The following MECOM variants were observed in gnomAD, a reference collection of about 807,000 sequenced individuals.
MECOM encodes the protein histone-lysine N-methyltransferase MECOM.
A neutral mutation model predicts 116.3 loss-of-function variants in MECOM; 13 were observed. The observed-to-expected ratio is 0.11, with a 90% CI of 0.07 to 0.18. MECOM has a LOEUF of 0.18. Among genes scored for constraint, MECOM ranks in the 10% least tolerant of loss-of-function variants. The pLI, the probability that MECOM is intolerant of heterozygous loss-of-function variation, is 1.00. For missense variants in MECOM, 1,299 were observed against 1,509.0 expected (o/e 0.86, Z 2.31); for synonymous variants, 528 against 535.2 (o/e 0.99, Z 0.19).
chr3:169,320,630 C>T (rs1234365615), intron 2 of MECOM, among the ~76,000 whole-genome samples: 1 of 152,120 alleles, frequency 6.6e-6, no homozygotes, highest in African/African-American at 2.4e-5. Flanking sequence ...AGTGGAAGAA[C>T]CCATAATATT....
chr3:169,376,397 T>C (rs969418174), intron 2 of MECOM, among the ~76,000 whole-genome samples: 2 of 152,164 alleles, frequency 1.3e-5, no homozygotes, highest in African/African-American at 4.8e-5. Flanking sequence ...TGGTCTCTGT[T>C]TGCAGATAAC....
chr3:169,125,140 T>C (rs755555856), intron 5 of MECOM, among the ~76,000 whole-genome samples: 2 of 152,116 alleles, frequency 1.3e-5, no homozygotes, highest in Non-Finnish European at 2.9e-5. Context: ...TGGTGATACC[T>C]CTGTGAACAA....
In MECOM at chr3:169,294,480, C is replaced by T. The variant is rs540990789; in HGVS notation, c.375+86707G>A. ...TAAAAATGTTAGCCAAGACAAGACT[C>T]AAGAGGGGCAGAAGCAGTAGCCTGG... On this transcript the variant is annotated intron_variant, in intron 2 of 16. Coordinates refer to ENST00000651503, the MANE Select transcript of MECOM (RefSeq NM_004991.4). Among the ~76,000 whole-genome samples, 30 of 152,258 alleles carry T rather than the reference C, an allele frequency of 2.0e-4. No homozygotes were observed. The South Asian group carries it at 6.2e-3, about 32-fold the overall frequency.
chr3:169,163,430 A>G (rs1346085793), intron 2 of MECOM, among the ~76,000 whole-genome samples: 1 of 152,204 alleles, frequency 6.6e-6, no homozygotes, highest in Non-Finnish European at 1.5e-5. Flanking sequence ...TTGAAGTAAT[A>G]GAAGTAATAG....
At chr3:169,471,271 C>T (rs1318535115) in intron 1 of MECOM, among the ~76,000 whole-genome samples, 3 of 152,080 alleles carry the variant, frequency 2.0e-5, no homozygotes, top group South Asian at 4.1e-4. Flanking sequence ...GGGTTACAGG[C>T]ATGAGCCACC....
intron 1 of MECOM, among the ~76,000 whole-genome samples, chr3:169,638,866 CTT>C (rs1308516884): frequency 6.6e-6 from 1 of 152,198 alleles, no homozygotes; most frequent in Non-Finnish European, 1.5e-5. Flanking sequence ...TCTTCTCACA[CTT>C]TACACTTTTC....
intron 2 of MECOM, chr3:169,145,693 T>A (rs1209593100): frequency 4.5e-6 from 1 of 223,150 alleles, no homozygotes; most frequent in Non-Finnish European, 8.9e-6. Flanking sequence ...TCAAGAAGCA[T>A]CCATCCCCTT....
intron 1 of MECOM, among the ~76,000 whole-genome samples, chr3:169,502,832 T>C (rs543876309): frequency 1.3e-4 from 20 of 152,294 alleles, no homozygotes; most frequent in Non-Finnish European, 2.8e-4. Flanking sequence ...CCATCAGCAA[T>C]ATTTTCAGAT....
At chr3:169,533,591 T>TTTTTTTTTTTTTTTTTTTTTTTTTAC (rs55667588) in intron 1 of MECOM, among the ~76,000 whole-genome samples, 1 of 132,238 alleles carries the variant, frequency 7.6e-6, no homozygotes, top group Non-Finnish European at 1.6e-5. Flanking sequence ...TTTTTTTTTT[T>TTTTTTTTTTTTTTTTTTTTTTTTTAC]ATTTCCTTAT....
chr3:169,546,538 C>T (rs1760744922), intron 1 of MECOM, among the ~76,000 whole-genome samples: 1 of 152,280 alleles, frequency 6.6e-6, no homozygotes, highest in Non-Finnish European at 1.5e-5. Flanking sequence ...CCTTGGCAGG[C>T]CCACAGAGTT....
At chr3:169,363,057 C>T (rs569455387) in intron 2 of MECOM, among the ~76,000 whole-genome samples, 1 of 152,008 alleles carries the variant, frequency 6.6e-6, no homozygotes, top group Middle Eastern at 3.4e-3. Flanking sequence ...ACCCTGTATG[C>T]CACCTACTGT....
At chr3:169,247,205 C>T (rs1755692049) in intron 2 of MECOM, among the ~76,000 whole-genome samples, 1 of 151,866 alleles carries the variant, frequency 6.6e-6, no homozygotes, top group Non-Finnish European at 1.5e-5. Context: ...TACTATCATT[C>T]AGTATTATTT....
At chr3:169,411,463 C>G (rs1471623900) in intron 1 of MECOM, among the ~76,000 whole-genome samples, 1 of 152,114 alleles carries the variant, frequency 6.6e-6, no homozygotes, top group Non-Finnish European at 1.5e-5. Flanking sequence ...AGGTTAAAAC[C>G]CAAGGATAGG....
intron 1 of MECOM, among the ~76,000 whole-genome samples, chr3:169,617,879 C>T (rs971011161): frequency 3.9e-5 from 6 of 152,158 alleles, no homozygotes; most frequent in African/African-American, 1.4e-4. Context: ...GAGCCTTGAC[C>T]AGCCCTGGGA....
intron 1 of MECOM, among the ~76,000 whole-genome samples, chr3:169,605,442 A>C (rs1325369214): frequency 6.6e-6 from 1 of 152,226 alleles, no homozygotes; most frequent in African/African-American, 2.4e-5. Flanking sequence ...TTAACTCTGG[A>C]AGAAAAGAGA....
chr3:169,592,818 GACACACAT>G lies in MECOM; in HGVS notation c.37+70510_37+70517del, dbSNP rs138285194. ...CCACAATTACATGTATTACATTACA[GACACACAT>G]ACACACATACACATATACACATGGA... On this transcript the variant is annotated intron_variant, in intron 1 of 16. Coordinates refer to ENST00000651503, the MANE Select transcript of MECOM (RefSeq NM_004991.4). 0.018 allele frequency among the ~76,000 whole-genome samples: 2,789 copies of G among 152,040 alleles called. 230 individuals are homozygous for G. In the East Asian group the frequency reaches 0.29, roughly 16 times the overall value.
chr3:169,403,929 T>G (rs957246043), intron 1 of MECOM, among the ~76,000 whole-genome samples: 1 of 152,178 alleles, frequency 6.6e-6, no homozygotes, highest in South Asian at 2.1e-4. Context: ...TTAGTGTACA[T>G]GCACTTAGTT....
chr3:169,433,190 C>T (rs1306315844), intron 1 of MECOM, among the ~76,000 whole-genome samples: 4 of 152,098 alleles, frequency 2.6e-5, no homozygotes, highest in African/African-American at 7.2e-5. Flanking sequence ...TTGACTAGGC[C>T]GGGCATGGTG....
intron 1 of MECOM, among the ~76,000 whole-genome samples, chr3:169,456,638 A>G (rs977640337): frequency 6.6e-6 from 1 of 152,080 alleles, no homozygotes; most frequent in Non-Finnish European, 1.5e-5. Flanking sequence ...CAGAGTCTGC[A>G]TTTTAACAAG....
Sources: gnomAD v4.1 joint callset for allele counts (sites outside exome capture counted in the v4.1 genomes callset) on GRCh38, gnomAD v4.1.1 for gene constraint, MANE v1.5 for transcripts, NCBI Gene and HGNC (gene_info 2026-07-23, HGNC 2026-07-21) for gene names.